The following WDR72 variants were observed in gnomAD, a reference collection of about 807,000 sequenced individuals.
The protein encoded by WDR72 is WD repeat-containing protein 72.
A neutral mutation model predicts 124.2 loss-of-function variants in WDR72; 120 were observed. The observed-to-expected ratio is 0.97, with a 90% confidence interval of 0.83 to 1.12. WDR72 has a LOEUF of 1.12. WDR72 is among the 50% of genes most tolerant of loss of function. WDR72 has a pLI of 0.00. For missense variants in WDR72, 1,387 were observed against 1,278.8 expected, an observed-to-expected ratio of 1.08 and a Z score of -1.29; for synonymous variants, 452 against 441.7, an observed-to-expected ratio of 1.02 and a Z score of -0.29.
chr15:53,544,599 C>T (rs1199537177), intron 18 of WDR72, among the ~76,000 whole-genome samples: 14 of 149,068 alleles, frequency 9.4e-5, no homozygotes, highest in Non-Finnish European at 1.2e-4. Context: ...TGAAAAGTGG[C>T]ACAAGACAGG....
chr15:53,744,650 G>A (rs1166894586), intron 1 of WDR72, among the ~76,000 whole-genome samples: 2 of 152,312 alleles, frequency 1.3e-5, no homozygotes, highest in African/African-American at 4.8e-5. Flanking sequence ...AAAAAGGTGG[G>A]TATGTCTTTT....
chr15:53,694,146 A>T (rs2016929758), intron 13 of WDR72, among the ~76,000 whole-genome samples: 1 of 152,198 alleles, frequency 6.6e-6, no homozygotes, highest in Admixed American at 6.5e-5. Flanking sequence ...AGTACCTGGG[A>T]AGAAGCCAGC....
chr15:53,610,463 C>G (rs1274845101), intron 16 of WDR72, among the ~76,000 whole-genome samples: 1 of 151,764 alleles, frequency 6.6e-6, no homozygotes, highest in Non-Finnish European at 1.5e-5. Context: ...TAATTGTCTA[C>G]TTAAATTAAT....
intron 14 of WDR72, among the ~76,000 whole-genome samples, chr15:53,627,339 T>G (rs2140388099): frequency 6.6e-6 from 1 of 152,362 alleles, no homozygotes; most frequent in South Asian, 2.1e-4. Flanking sequence ...ACTAATGAAC[T>G]AGTCACATAT....
rs750670993 is a variant in WDR72 at position 53,705,029 on chromosome 15, G to T, written c.1307C>A (p.Ala436Asp). 5 of 1,614,028 alleles carry T rather than the reference G, an allele frequency of 3.1e-6. No individual in the cohort carries two copies. The South Asian group carries it at 5.5e-5, about 18-fold the overall frequency. ...ACCTTCCAGAAGTCTTGCTTTGGCA[G>T]CATTCAAAGCCTGGGTAATGATAAT... ...GTIIITQALN[A>D]AKARLLEGGS... Residue 436 changes from alanine to aspartate, a missense_variant, in exon 11 of 20, where the codon GCT (alanine) becomes GAT (aspartate). By Grantham distance (126) the Ala-to-Asp change is moderately radical. Transcript: ENST00000360509.
intron 13 of WDR72, among the ~76,000 whole-genome samples, chr15:53,693,254 G>A (rs890196590): frequency 3.3e-5 from 5 of 152,116 alleles, no homozygotes; most frequent in African/African-American, 1.2e-4. Flanking sequence ...CATAAAAGAA[G>A]GTGACCAAGT....
intron 14 of WDR72, among the ~76,000 whole-genome samples, chr15:53,656,763 A>G (rs959943262): frequency 6.6e-6 from 1 of 152,190 alleles, no homozygotes; most frequent in African/African-American, 2.4e-5. Flanking sequence ...TTAAAAAAAC[A>G]GAATAGAAAC....
rs553075314 is a variant in WDR72 at position 53,616,129 on chromosome 15, A to G, written c.2077T>C (p.Leu693=). ...ACATCACTGAGTGGAGTTGGTAGCA[A>G]AAGTTCAACAAGGTTTTCCAGATCA... ...LFDLENLVEL[L]LPTPLSDVDS... Residue 693 remains leucine (L), a synonymous_variant, in exon 15 of 20, where the codon TTG becomes CTG. Transcript: ENST00000360509. 243 of 1,604,204 alleles carry G rather than the reference A, an allele frequency of 1.5e-4. No homozygotes were observed. Among genetic ancestry groups the G allele is most frequent in the Non-Finnish European group, 1.8e-4 (210 of 1,174,456 alleles).
chr15:53,733,264 G>A (rs892339202), intron 1 of WDR72, 103 bp from the exon 2 acceptor site: 1 of 1,264,556 alleles, frequency 7.9e-7, no homozygotes, highest in African/African-American at 1.5e-5. Context: ...CTTCAATGAT[G>A]TGTTCTCCCA....
rs1160092001 is a variant in WDR72 at position 53,615,970 on chromosome 15, T to G, written c.2236A>C (p.Ile746Leu). 6.2e-7 allele frequency: 1 copy of G among 1,613,196 alleles called. No individual in the cohort carries two copies. Among genetic ancestry groups the G allele is most frequent in the African/African-American group, 1.3e-5 (1 of 74,876 alleles). ...PLSAEALAKP[I>L]TESLAQGDNT... ...TCTCCTTGGGCCAGGCTTTCAGTAA[T>G]AGGCTTGGCTAGTGCCTCTGCTGAA... The change falls in exon 15 of 20, where the codon ATT (isoleucine) becomes CTT (leucine). Residue 746 changes from isoleucine (I) to leucine (L), a missense_variant. Coordinates refer to ENST00000360509, the MANE Select transcript of WDR72 (RefSeq NM_182758.4).
rs1050731754 is a variant in WDR72, at chr15:53,759,456, T to G, written c.-13+177A>C. On this transcript the variant is annotated intron_variant, in intron 1 of 19. Transcript: ENST00000360509. ...TTAGAGCAAAGGAAGGGGTTAGAGA[T>G]AGCGCTGCGCACGCCCACCCTCTTT... is the stretch of plus-strand genomic sequence containing the variant. 5.9e-5 allele frequency: 9 copies of G among 152,356 alleles called. No homozygotes were observed. In the East Asian group the frequency reaches 9.7e-4, roughly 16 times the overall value. The allele number at this position is 152,356 out of a possible 1,614,324, so 9.4% of individuals were successfully genotyped here.
chr15:53,582,223 A>G (rs367705999), intron 18 of WDR72, among the ~76,000 whole-genome samples: 1 of 152,016 alleles, frequency 6.6e-6, no homozygotes, highest in Non-Finnish European at 1.5e-5. Flanking sequence ...TTACATACAG[A>G]TTCCAGAAAG....
intron 14 of WDR72, among the ~76,000 whole-genome samples, chr15:53,647,418 C>G (rs1180503471): frequency 1.3e-5 from 2 of 151,960 alleles, no homozygotes; most frequent in Admixed American, 6.6e-5. Flanking sequence ...TTAGATCATC[C>G]ATAATTATAA....
At chr15:53,746,750 T>C (rs980066391) in intron 1 of WDR72, among the ~76,000 whole-genome samples, 1 of 152,164 alleles carries the variant, frequency 6.6e-6, no homozygotes, top group Non-Finnish European at 1.5e-5. Flanking sequence ...TTTTAAAAGT[T>C]TGAGTTTAGG....
chr15:53,760,315 G>A (rs1480369829), upstream of WDR72, among the ~76,000 whole-genome samples: 6 of 95,918 alleles, frequency 6.3e-5, no homozygotes, highest in African/African-American at 2.3e-4. Flanking sequence ...ACCTCCACCC[G>A]ACTCCCCCAC....
In WDR72 at chr15:53,526,562, G is replaced by C. The variant is rs1566942428; in HGVS notation, c.3149-3240C>G. Among the ~76,000 whole-genome samples, 5 of 152,104 alleles carry C rather than the reference G, an allele frequency of 3.3e-5. No individual in the cohort carries two copies. In the South Asian group the frequency reaches 8.3e-4, roughly 25 times the overall value. On this transcript the variant is annotated intron_variant, in intron 18 of 19. Transcript: ENST00000360509. ...CACCTGTGAAAGTTAGCTATAGACAGGTTTTTCCTTGCTTTAGATAGTCAA... is the reference window on the plus strand; with the variant it reads ...CACCTGTGAAAGTTAGCTATAGACACGTTTTTCCTTGCTTTAGATAGTCAA...
At chr15:53,757,053 C>T (rs1389307363) in intron 1 of WDR72, among the ~76,000 whole-genome samples, 1 of 152,128 alleles carries the variant, frequency 6.6e-6, no homozygotes, top group Non-Finnish European at 1.5e-5. Context: ...AAAGATATCT[C>T]TCTCATTTTG....
At chr15:53,743,450 C>A (rs2018561514) in intron 1 of WDR72, among the ~76,000 whole-genome samples, 1 of 151,970 alleles carries the variant, frequency 6.6e-6, no homozygotes, top group Non-Finnish European at 1.5e-5. Context: ...GACTTCCTAC[C>A]TTTTATAGTT....
chr15:53,680,722 C>T (rs1038286143), intron 13 of WDR72, among the ~76,000 whole-genome samples: 2 of 152,216 alleles, frequency 1.3e-5, no homozygotes, highest in Admixed American at 6.5e-5. Flanking sequence ...ATCTGCTCAA[C>T]TGATGAACTG....
Sources: allele counts gnomAD v4.1 joint callset (sites outside exome capture counted in the v4.1 genomes callset), GRCh38; gene constraint gnomAD v4.1.1; transcripts MANE v1.5; gene names NCBI Gene and HGNC (gene_info 2026-07-23, HGNC 2026-07-21).